BCAR1: variants seen among roughly 807,000 people sequenced by gnomAD.
The protein encoded by BCAR1 is BCAR1 scaffold protein, Cas family member, also known as breast cancer anti-estrogen resistance protein 1.
In BCAR1, 30 loss-of-function variants were observed where a neutral mutation model predicts 67.6. The ratio of observed to expected loss-of-function variants is 0.44; its 90% CI spans 0.33 to 0.60. The LOEUF is 0.60. Ranked by LOEUF, BCAR1 falls within the 20% of genes least tolerant of loss-of-function variation. The probability of loss-of-function intolerance (pLI) is 0.02; values close to 1 mark genes in which losing one functional copy is unlikely to be tolerated. For synonymous variants in BCAR1, 626 were observed against 556.7 expected (o/e 1.12, Z -1.75); for missense variants, 1,313 against 1,222.3 (o/e 1.07, Z -1.11).
intron 1 of BCAR1, 33 bp downstream of exon 1, chr16:75,251,438 C>A: frequency 6.8e-7 from 1 of 1,467,544 alleles, no homozygotes; most frequent in Non-Finnish European, 9.0e-7. Flanking sequence ...CCTCCAAGCC[C>A]GTACGCGGCC....
At chr16:75,263,148 C>T in intron 1 of BCAR1, 3 of 950,166 alleles carry the variant, frequency 3.2e-6, no homozygotes, top group Non-Finnish European at 3.8e-6. Flanking sequence ...CGAAGGGGCA[C>T]AGGAGGAGCT....
intron 5 of BCAR1, among the ~76,000 whole-genome samples, chr16:75,234,193 A>ACACACG (rs1418539321): frequency 1.4e-5 from 2 of 144,542 alleles, no homozygotes; most frequent in African/African-American, 5.3e-5. Flanking sequence ...ACACACACAC[A>ACACACG]CACACACACT....
intron 1 of BCAR1, among the ~76,000 whole-genome samples, chr16:75,267,067 C>G (rs1202644865): frequency 6.6e-6 from 1 of 152,194 alleles, no homozygotes; most frequent in Non-Finnish European, 1.5e-5. Context: ...CCCAAAAGCC[C>G]CCAGTAGCAG....
Position 75,234,160 on chromosome 16 carries a change from G to GACACACACACAC in BCAR1, c.2011-226_2011-225insGTGTGTGTGTGT, listed in dbSNP as rs1296996116. On this transcript the variant is annotated intron_variant, in intron 5 of 6. Transcript: ENST00000162330. ...AGACTGGCACGTGCAGGGGCAGGCA[G>GACACACACACAC]ACAGACACACACACACACACACACA... Among the ~76,000 whole-genome samples, 184 of 87,856 alleles carry GACACACACACAC rather than the reference G, an allele frequency of 2.1e-3. 2 individuals are homozygous for GACACACACACAC. Among genetic ancestry groups the GACACACACACAC allele is most frequent in the South Asian group, 0.012 (27 of 2,220 alleles). The allele number at this position is 87,856 out of a possible 152,430, so 57.6% of individuals were successfully genotyped here.
intron 1 of BCAR1, among the ~76,000 whole-genome samples, chr16:75,260,670 T>C (rs1238394058): frequency 1.3e-5 from 2 of 150,636 alleles, no homozygotes; most frequent in Non-Finnish European, 2.9e-5. Flanking sequence ...ACTAACTGTT[T>C]AACATCTGCA....
At chr16:75,243,778 A>G (rs1327283597) in intron 1 of BCAR1, among the ~76,000 whole-genome samples, 1 of 152,202 alleles carries the variant, frequency 6.6e-6, no homozygotes, top group Non-Finnish European at 1.5e-5. Flanking sequence ...GATCAGAGGC[A>G]TGAGTGCCGT....
chr16:75,244,387 T>A (rs772422369), intron 1 of BCAR1, among the ~76,000 whole-genome samples: 12 of 152,362 alleles, frequency 7.9e-5, no homozygotes, highest in Middle Eastern at 6.8e-3. Flanking sequence ...AGCAGGAGCC[T>A]GTGCCTTGGG....
chr16:75,230,042 A>G lies in BCAR1; in HGVS notation c.2101-19T>C, dbSNP rs142115699. 1.5e-3 allele frequency: 2,347 copies of G among 1,523,350 alleles called. 2 individuals carry two copies. Among genetic ancestry groups the G allele is most frequent in the Non-Finnish European group, 1.9e-3 (2,168 of 1,134,932 alleles). 94.4% of individuals were successfully genotyped at this position (1,523,350 alleles called of 1,614,324 possible). A position where few individuals can be genotyped will look rare whatever the true frequency, so the allele number is the denominator to read the frequency against. ...GCTTCAGCTGGGGCAGGAGGGAAGC[A>G]GGAGCAGGGTTAGGCTCTCGGGTGA... is the stretch of plus-strand genomic sequence containing the variant. On this transcript the variant is annotated intron_variant, in intron 6 of 6. Coordinates refer to ENST00000162330, the MANE Select transcript of BCAR1 (RefSeq NM_014567.5).
chr16:75,268,005 T>A (rs2078031697), exon 1 of BCAR1: 1 of 1,535,000 alleles, frequency 6.5e-7, no homozygotes, highest in Non-Finnish European at 8.7e-7. Context: ...CTACCAGGTG[T>A]CTGTGAAGGC....
chr16:75,236,510 A>G (rs1400884382), intron 4 of BCAR1: 1 of 361,360 alleles, frequency 2.8e-6, no homozygotes, highest in Non-Finnish European at 5.0e-6. Context: ...TGTGTGTATT[A>G]TCAGGGGACC....
At chr16:75,240,217 G>A in intron 2 of BCAR1, among the ~76,000 whole-genome samples, 1 of 152,164 alleles carries the variant, frequency 6.6e-6, no homozygotes, top group Admixed American at 6.5e-5. Context: ...CCCACGTGAA[G>A]TCCTGGCAAG....
intron 5 of BCAR1, among the ~76,000 whole-genome samples, chr16:75,234,655 A>G (rs2077035149): frequency 6.6e-6 from 1 of 152,218 alleles, no homozygotes; most frequent in Admixed American, 6.5e-5. Context: ...CCCACACAGA[A>G]CAGCAGAGTC....
chr16:75,262,440 G>A (rs1010660073), intron 1 of BCAR1, among the ~76,000 whole-genome samples: 7 of 152,272 alleles, frequency 4.6e-5, no homozygotes, highest in African/African-American at 1.7e-4. Flanking sequence ...CGCAGAGCTT[G>A]AGGTGAATGG....
At chr16:75,238,232 G>GAAGGTCTCCCTGCCTTGGGGAGGTC (rs1431366173) in intron 2 of BCAR1, 20 of 1,181,460 alleles carry the variant, frequency 1.7e-5, no homozygotes, top group Admixed American at 7.1e-5. Flanking sequence ...CTCCTTCCCT[G>GAAGGTCTCCCTGCCTTGGGGAGGTC]AAGGTCTCCC....
chr16:75,233,805 C>T, intron 6 of BCAR1, 41 bp downstream of exon 6: 1 of 1,550,606 alleles, frequency 6.4e-7, no homozygotes, highest in Non-Finnish European at 8.7e-7. Flanking sequence ...CTCAGGGGGT[C>T]AGCGGGCAAA....
intron 1 of BCAR1, among the ~76,000 whole-genome samples, chr16:75,250,350 A>G (rs574263818): frequency 8.6e-5 from 13 of 151,870 alleles, no homozygotes; most frequent in Non-Finnish European, 1.0e-4. Flanking sequence ...CAGGCCGGCC[A>G]GCCCCCACCA....
intron 1 of BCAR1, among the ~76,000 whole-genome samples, chr16:75,259,069 G>A (rs911162684): frequency 1.3e-5 from 2 of 152,208 alleles, no homozygotes; most frequent in African/African-American, 4.8e-5. Flanking sequence ...AGGCCCTGGC[G>A]AAACACAGAT....
chr16:75,250,552 T>G (rs1398803590), intron 1 of BCAR1: 8 of 811,012 alleles, frequency 9.9e-6, no homozygotes, highest in Non-Finnish European at 1.2e-5. Context: ...ACGGGAGCCT[T>G]GTGGTAGAAA....
In BCAR1 at chr16:75,264,290, G is replaced by A. The variant is rs1360641556; in HGVS notation, c.66+3625C>T. ...ATCAAACGGGGACCTCCCCATAGAG[G>A]CCCGCCCAGGCTGGGATGTGGCCAG... On this transcript the variant is annotated intron_variant, in intron 1 of 6. Coordinates refer to the BCAR1 transcript ENST00000393422. 6 of 1,406,176 alleles carry A rather than the reference G, an allele frequency of 4.3e-6. No homozygotes were observed. In the African/African-American group the frequency reaches 5.8e-5, roughly 13 times the overall value. The allele number at this position is 1,406,176 out of a possible 1,614,324, so 87.1% of individuals were successfully genotyped here.
Sources: gnomAD v4.1 joint callset for allele counts (sites outside exome capture counted in the v4.1 genomes callset) on GRCh38, gnomAD v4.1.1 for gene constraint, MANE v1.5 for transcripts, NCBI Gene and HGNC (gene_info 2026-07-23, HGNC 2026-07-21) for gene names.